SV2C: variants seen among roughly 807,000 people sequenced by gnomAD.
The protein encoded by SV2C is synaptic vesicle glycoprotein 2C.
SV2C carries 49 observed loss-of-function variants against 79.7 expected under a neutral mutation model. The observed-to-expected ratio is 0.61, with a 90% CI of 0.49 to 0.78. SV2C has a LOEUF of 0.78. Ranked by LOEUF, SV2C falls within the 30% of genes least tolerant of loss-of-function variation. The probability of loss-of-function intolerance (pLI) is 0.00; values close to 1 mark genes in which losing one functional copy is unlikely to be tolerated. For synonymous variants in SV2C, 334 were observed against 333.2 expected, an observed-to-expected ratio of 1.00 and a Z score of -0.03; for missense variants, 833 against 912.9, an observed-to-expected ratio of 0.91 and a Z score of 1.13.
chr5:76,300,878 G>A lies in SV2C; in HGVS notation c.1786G>A (p.Gly596Arg). ...NFLGTLAVLP[G>R]NIVSALLMDR... is the part of the protein sequence containing the mutation. The stretch of plus-strand genomic sequence containing the variant: ...TCTGGGGACATTGGCAGTATTGCCA[G>A]GGAACATTGTGTCTGCTCTGCTGAT... Residue 596 changes from glycine to arginine, a missense_variant, in exon 11 of 13, where the codon GGG (glycine) becomes AGG (arginine). Physicochemically the swap from Gly to Arg is moderately radical, Grantham distance 125. Coordinates refer to ENST00000502798, the MANE Select transcript of SV2C (RefSeq NM_014979.4). The A allele has an allele frequency of 1.2e-6, 2 of 1,614,176 alleles. No individual in the cohort carries two copies.
the SV2C span, among the ~76,000 whole-genome samples, chr5:75,915,727 C>T: frequency 2.5e-4 from 38 of 152,222 alleles, no homozygotes; most frequent in African/African-American, 8.7e-4. Flanking sequence ...CCATGGAGGG[C>T]AAGGAGTACA....
the SV2C span, among the ~76,000 whole-genome samples, chr5:75,970,431 A>G: frequency 6.6e-6 from 1 of 152,080 alleles, no homozygotes; most frequent in Non-Finnish European, 1.5e-5. Flanking sequence ...TGCTAGCAAG[A>G]CTAATAAAGA....
intron 1 of SV2C, among the ~76,000 whole-genome samples, chr5:76,113,122 C>T (rs1046207761): frequency 3.9e-5 from 6 of 152,328 alleles, no homozygotes; most frequent in South Asian, 2.1e-4. Flanking sequence ...TATACCTATA[C>T]GCATGGAATT....
At chr5:75,873,863 T>C in the SV2C span, among the ~76,000 whole-genome samples, 3 of 152,210 alleles carry the variant, frequency 2.0e-5, no homozygotes, top group Non-Finnish European at 2.9e-5. Flanking sequence ...AGGAAGAAAC[T>C]GATTCCCTGA....
chr5:75,873,453 C>T, the SV2C span, among the ~76,000 whole-genome samples: 1 of 152,016 alleles, frequency 6.6e-6, no homozygotes, highest in South Asian at 2.1e-4. Context: ...TTTACAGGTT[C>T]TCATATCTCA....
the SV2C span, among the ~76,000 whole-genome samples, chr5:75,934,302 C>CTTTTTTTTTTTTTTTTT: frequency 2.9e-4 from 31 of 107,824 alleles, 2 homozygotes; most frequent in African/African-American, 1.0e-3. Context: ...TTCTTTCTTT[C>CTTTTTTTTTTTTTTTTT]TTTTTTTTTT....
the SV2C span, among the ~76,000 whole-genome samples, chr5:75,873,797 C>G: frequency 6.6e-6 from 1 of 151,980 alleles, no homozygotes; most frequent in Non-Finnish European, 1.5e-5. Context: ...TGCACATAAA[C>G]TAGAAGAAAG....
intron 1 of SV2C, among the ~76,000 whole-genome samples, chr5:76,087,544 T>A (rs1486569485): frequency 6.6e-6 from 1 of 152,214 alleles, no homozygotes; most frequent in African/African-American, 2.4e-5. Flanking sequence ...GTGTATATCA[T>A]ATTTTTCTGG....
At chr5:76,181,531 T>C (rs1743732098) in intron 2 of SV2C, among the ~76,000 whole-genome samples, 1 of 152,106 alleles carries the variant, frequency 6.6e-6, no homozygotes, top group Admixed American at 6.5e-5. Context: ...CTAGGAGGCC[T>C]TGGGAAATTT....
At chr5:76,345,623 G>A (rs550955382) in intron 12 of SV2C, among the ~76,000 whole-genome samples, 8 of 152,196 alleles carry the variant, frequency 5.3e-5, no homozygotes, top group African/African-American at 9.6e-5. Flanking sequence ...GGCTGTCAGC[G>A]TGATTTCCAA....
intron 6 of SV2C, among the ~76,000 whole-genome samples, chr5:76,289,746 T>C (rs905280671): frequency 6.6e-6 from 1 of 152,210 alleles, no homozygotes; most frequent in Non-Finnish European, 1.5e-5. Flanking sequence ...GGACATTTGT[T>C]TGCACATGGT....
At chr5:75,867,467 A>G in the SV2C span, among the ~76,000 whole-genome samples, 1 of 152,194 alleles carries the variant, frequency 6.6e-6, no homozygotes, top group African/African-American at 2.4e-5. Context: ...GAAGGAAAGG[A>G]GAAGGGGAAG....
chr5:76,027,388 T>A, the SV2C span, among the ~76,000 whole-genome samples: 1,789 of 152,248 alleles, frequency 0.012, 39 homozygotes, highest in African/African-American at 0.041. Flanking sequence ...TATCCTTTTT[T>A]TTTGTCATTT....
chr5:75,983,393 G>C, the SV2C span, among the ~76,000 whole-genome samples: 1 of 152,048 alleles, frequency 6.6e-6, no homozygotes, highest in South Asian at 2.1e-4. Context: ...GACATCAAAA[G>C]CTGCAGAAAG....
the SV2C span, among the ~76,000 whole-genome samples, chr5:75,928,576 T>C: frequency 1.9e-4 from 29 of 152,324 alleles, no homozygotes; most frequent in South Asian, 2.3e-3. Context: ...GAAATGATTA[T>C]GTAGCTTTTT....
chr5:76,089,326 G>T (rs1747296497), intron 1 of SV2C, among the ~76,000 whole-genome samples: 1 of 152,146 alleles, frequency 6.6e-6, no homozygotes, highest in Non-Finnish European at 1.5e-5. Flanking sequence ...ATGGCTTTTA[G>T]CTCCATCCAT....
chr5:76,047,068 T>G, the SV2C span, among the ~76,000 whole-genome samples: 7 of 152,372 alleles, frequency 4.6e-5, no homozygotes, highest in East Asian at 1.3e-3. Context: ...TTTTCTAATG[T>G]GTCTAATAAT....
the SV2C span, among the ~76,000 whole-genome samples, chr5:76,049,324 G>GAAA: frequency 9.3e-5 from 10 of 107,038 alleles, no homozygotes; most frequent in African/African-American, 3.0e-4. Flanking sequence ...GTGACAGAGC[G>GAAA]AAAAAAAAAA....
the SV2C span, among the ~76,000 whole-genome samples, chr5:76,013,639 A>G: frequency 6.6e-6 from 1 of 151,778 alleles, no homozygotes. Flanking sequence ...ACTTCCAATG[A>G]AAAGTACCCT....
Sources: allele counts gnomAD v4.1 joint callset (sites outside exome capture counted in the v4.1 genomes callset), GRCh38; gene constraint gnomAD v4.1.1; transcripts MANE v1.5; gene names NCBI Gene and HGNC (gene_info 2026-07-23, HGNC 2026-07-21).